SEPTIN6: variants seen among roughly 807,000 people sequenced by gnomAD.
SEPTIN6 encodes septin 6.
In SEPTIN6, 8 loss-of-function variants were observed where a neutral mutation model predicts 33.6. That is an observed-to-expected ratio of 0.24 (90% CI 0.14 to 0.43). The LOEUF is 0.43. SEPTIN6 is among the 20% of genes least tolerant of loss of function. The probability of loss-of-function intolerance (pLI) is 1.00; values close to 1 mark genes in which losing one functional copy is unlikely to be tolerated. For missense variants in SEPTIN6, 250 were observed against 340.8 expected, an observed-to-expected ratio of 0.73 and a Z score of 2.10; for synonymous variants, 131 against 140.0, an observed-to-expected ratio of 0.94 and a Z score of 0.45.
chrX:119,645,299 C>T (rs192116576), intron 5 of SEPTIN6, among the ~76,000 whole-genome samples: 392 of 96,886 alleles, frequency 4.0e-3, no homozygotes, highest in African/African-American at 0.015. Flanking sequence ...AGTGCAGTGA[C>T]GTGATCTCAG....
At chrX:119,678,643 C>A (rs1416522880) in intron 1 of SEPTIN6, among the ~76,000 whole-genome samples, 1 of 111,983 alleles carries the variant, frequency 8.9e-6, no homozygotes, top group Non-Finnish European at 1.9e-5. Context: ...TTAAAGCAAA[C>A]AAAGTAAGAT....
intron 5 of SEPTIN6, among the ~76,000 whole-genome samples, chrX:119,642,813 C>G (rs1390046698): frequency 9.0e-6 from 1 of 111,337 alleles, no homozygotes; most frequent in Non-Finnish European, 1.9e-5. Flanking sequence ...AATTGCTTGG[C>G]CGCCAGCTGA....
chrX:119,627,484 A>G (rs1173266183), intron 9 of SEPTIN6, among the ~76,000 whole-genome samples: 6 of 110,852 alleles, frequency 5.4e-5, no homozygotes, highest in Non-Finnish European at 1.9e-5. Context: ...CAGATTGAGG[A>G]TGGGGCACAT....
downstream of SEPTIN6, chrX:119,615,749 A>C (rs1001499934): frequency 7.2e-6 from 1 of 139,520 alleles, no homozygotes; most frequent in Non-Finnish European, 1.4e-5. Flanking sequence ...AATTTTATTG[A>C]AAATTGACAT....
chrX:119,646,925 A>G lies in SEPTIN6; in HGVS notation c.690+3012T>C, dbSNP rs143796827. On this transcript the variant is annotated intron_variant, in intron 5 of 10. Coordinates refer to ENST00000394610, the MANE Select transcript of SEPTIN6 (RefSeq NM_145799.4). Reference sequence around the variant, plus strand: ...TGTTCGGTGGCAGGCAGGCTAAGCAATCCTCTGTGTATATTTGATAGCACC... The same window carrying G: ...TGTTCGGTGGCAGGCAGGCTAAGCAGTCCTCTGTGTATATTTGATAGCACC... The G allele has an allele frequency of 4.6e-3, 696 of 149,988 alleles. 5 individuals carry two copies. Among genetic ancestry groups the G allele is most frequent in the Middle Eastern group, 0.012 (18 of 1,490 alleles). 12.4% of individuals were successfully genotyped at this position (149,988 alleles called of 1,213,427 possible).
intron 1 of SEPTIN6, among the ~76,000 whole-genome samples, chrX:119,677,953 C>T (rs2054869527): frequency 1.8e-5 from 2 of 113,043 alleles, no homozygotes; most frequent in Admixed American, 1.9e-4. Context: ...ACACCTGAGG[C>T]TGGGTGCAGT....
At chrX:119,683,197 G>A (rs1219756754) in intron 1 of SEPTIN6, among the ~76,000 whole-genome samples, 1 of 112,735 alleles carries the variant, frequency 8.9e-6, no homozygotes, top group Non-Finnish European at 1.9e-5. Flanking sequence ...AGGTTGCAAT[G>A]AGCTGAGATC....
At chrX:119,645,261 A>G (rs1400879829) in intron 5 of SEPTIN6, among the ~76,000 whole-genome samples, 1 of 75,682 alleles carries the variant, frequency 1.3e-5, no homozygotes, top group African/African-American at 5.4e-5. Flanking sequence ...TTTTTTTGAG[A>G]CGGAGTCTCA....
intron 10 of SEPTIN6, among the ~76,000 whole-genome samples, chrX:119,623,666 C>T (rs2053805504): frequency 8.9e-6 from 1 of 111,814 alleles, no homozygotes; most frequent in African/African-American, 3.2e-5. Flanking sequence ...TGGTGAAACC[C>T]GGTCTCTGCT....
At chrX:119,688,711 A>G (rs1321509357) in intron 1 of SEPTIN6, among the ~76,000 whole-genome samples, 21 of 76,733 alleles carry the variant, frequency 2.7e-4, no homozygotes, top group African/African-American at 9.5e-4. Flanking sequence ...CATCTCGGGG[A>G]AAAAAAAAAA....
In SEPTIN6 at chrX:119,650,032, T is replaced by C. The variant is rs2054326861; in HGVS notation, c.595A>G (p.Ile199Val). The C allele has an allele frequency of 8.3e-7, 1 of 1,211,348 alleles. No individual in the cohort carries two copies. The highest frequency in any genetic ancestry group is 1.1e-6 in the Non-Finnish European group (1 of 895,048). ...ISKSELTKFK[I>V]KITSELVSNG... Reference sequence around the variant, plus strand: ...CTGACAAGCTCGCTGGTGATTTTGATTTTGAACTTTGTTAGCTCACTCTTC... The same window carrying C: ...CTGACAAGCTCGCTGGTGATTTTGACTTTGAACTTTGTTAGCTCACTCTTC... The change falls in exon 5 of 11, where the codon ATC (isoleucine) becomes GTC (valine). Residue 199 changes from isoleucine to valine, a missense_variant. By Grantham distance (29) the Ile-to-Val change is conservative. Transcript: ENST00000394610.
chrX:119,655,595 A>C lies in SEPTIN6; in HGVS notation c.342-2555T>G, dbSNP rs145354330. Among the ~76,000 whole-genome samples, 417 of 111,612 alleles carry C rather than the reference A, an allele frequency of 3.7e-3. 6 individuals are homozygous for C. The highest frequency in any genetic ancestry group is 0.013 in the African/African-American group (400 of 30,712). ...CCACACCCAAGTCCCATGGAAGGGC[A>C]GAGAGGGCAGCTTTCTTCTAGCTCT... On this transcript the variant is annotated intron_variant, in intron 3 of 10. Transcript: ENST00000394610.
At chrX:119,616,834 T>C, downstream of SEPTIN6, 1 of 1,079,743 alleles carries the variant, frequency 9.3e-7, no homozygotes, top group South Asian at 2.0e-5. Context: ...ATGGGCAATA[T>C]TGAGGTAGCA....
Position 119,617,940 on chromosome X carries a change from A to G in SEPTIN6, c.*2153T>C. Reference sequence around the variant, plus strand: ...CAAGCCTTAACTAGTTAATCTGTACACAAATGCAAATGAGGGCGCCTCCGG... The same window carrying G: ...CAAGCCTTAACTAGTTAATCTGTACGCAAATGCAAATGAGGGCGCCTCCGG... On this transcript the variant is annotated 3_prime_UTR_variant, in exon 11 of 11. Transcript: ENST00000394610. 3 of 804,392 alleles carry G rather than the reference A, an allele frequency of 3.7e-6. No homozygotes were observed. Among genetic ancestry groups the G allele is most frequent in the Non-Finnish European group, 4.5e-6 (3 of 670,048 alleles). The allele number at this position is 804,392 out of a possible 1,213,427, so 66.3% of individuals were successfully genotyped here. A position where few individuals can be genotyped will look rare whatever the true frequency, so the allele number is the denominator to read the frequency against.
At chrX:119,661,966 G>A (rs962959510) in intron 3 of SEPTIN6, among the ~76,000 whole-genome samples, 2 of 112,043 alleles carry the variant, frequency 1.8e-5, no homozygotes, top group Admixed American at 1.9e-4. Flanking sequence ...TTGAATTCCT[G>A]ACTTCAAGTG....
intron 8 of SEPTIN6, among the ~76,000 whole-genome samples, chrX:119,630,864 G>C (rs981815752): frequency 5.6e-5 from 6 of 107,925 alleles, no homozygotes; most frequent in Admixed American, 4.0e-4. Context: ...CTGCACTCCA[G>C]CCTGGGCAAG....
At chrX:119,653,160 C>T (rs1337469034) in intron 3 of SEPTIN6, 120 bp from the exon 4 acceptor site, 2 of 568,199 alleles carry the variant, frequency 3.5e-6, no homozygotes, top group African/African-American at 2.3e-5. Context: ...AACTGCATTT[C>T]TCCATCTCCC....
chrX:119,617,748 G>A lies in SEPTIN6; in HGVS notation c.*2345C>T. On this transcript the variant is annotated 3_prime_UTR_variant, in exon 11 of 11. Coordinates refer to ENST00000394610, the MANE Select transcript of SEPTIN6 (RefSeq NM_145799.4). ...TGCCTCGAAACAGAAGTGGGACCTC[G>A]GTCAAGTCCCTTCCCTTCTCTGGGC... 9 of 771,457 alleles carry A rather than the reference G, an allele frequency of 1.2e-5. No individual in the cohort carries two copies. The highest frequency in any genetic ancestry group is 1.4e-5 in the Non-Finnish European group (9 of 639,065). The allele number at this position is 771,457 out of a possible 1,213,427, so 63.6% of individuals were successfully genotyped here.
chrX:119,661,291 T>C (rs1217065032), intron 3 of SEPTIN6, among the ~76,000 whole-genome samples: 3 of 104,570 alleles, frequency 2.9e-5, no homozygotes, highest in African/African-American at 7.0e-5. Flanking sequence ...ATTAGCTGGG[T>C]GTGGTGGCAC....
Sources: gnomAD v4.1 joint callset for allele counts (sites outside exome capture counted in the v4.1 genomes callset) on GRCh38, gnomAD v4.1.1 for gene constraint, MANE v1.5 for transcripts, NCBI Gene and HGNC (gene_info 2026-07-23, HGNC 2026-07-21) for gene names.